TCF12: variants seen among roughly 807,000 people sequenced by gnomAD.
TCF12 encodes transcription factor 12, also known as DNA-binding protein HTF4.
TCF12 carries 45 observed loss-of-function variants against 86.0 expected under a neutral mutation model. The observed-to-expected ratio is 0.52, with a 90% confidence interval of 0.41 to 0.67. The LOEUF is 0.67. Ranked by LOEUF, TCF12 falls within the 30% of genes least tolerant of loss-of-function variation. TCF12 has a pLI of 0.00. For synonymous variants in TCF12, 330 were observed against 299.6 expected, an observed-to-expected ratio of 1.10 and a Z score of -1.05; for missense variants, 881 against 859.9, an observed-to-expected ratio of 1.02 and a Z score of -0.31.
chr15:57,189,975 A>C (rs2056896725), intron 6 of TCF12, among the ~76,000 whole-genome samples: 1 of 152,246 alleles, frequency 6.6e-6, no homozygotes, highest in Middle Eastern at 3.2e-3. Flanking sequence ...GAGAAGTCAG[A>C]CACAAAAGGC....
At chr15:57,087,403 C>T (rs1425747376) in intron 4 of TCF12, among the ~76,000 whole-genome samples, 1 of 107,674 alleles carries the variant, frequency 9.3e-6, no homozygotes, top group African/African-American at 3.9e-5. Context: ...CAGAGCAAGA[C>T]CCTGTCTCAA....
intron 8 of TCF12, among the ~76,000 whole-genome samples, chr15:57,223,514 T>G (rs978924852): frequency 6.6e-6 from 1 of 152,000 alleles, no homozygotes; most frequent in Non-Finnish European, 1.5e-5. Context: ...AAGCAAATTT[T>G]TGTCAACTTT....
At chr15:57,023,456 T>G (rs1172665727) in intron 3 of TCF12, among the ~76,000 whole-genome samples, 2 of 150,402 alleles carry the variant, frequency 1.3e-5, no homozygotes, top group Non-Finnish European at 3.0e-5. Flanking sequence ...AACTTACTGA[T>G]CATTGTATCT....
intron 19 of TCF12, chr15:57,278,670 G>A: frequency 5.1e-6 from 1 of 195,900 alleles, no homozygotes; most frequent in Admixed American, 4.4e-5. Flanking sequence ...AACTACAAAA[G>A]GATCAAACCT....
At chr15:57,229,506 A>T (rs369985252) in intron 8 of TCF12, among the ~76,000 whole-genome samples, 1 of 41,806 alleles carries the variant, frequency 2.4e-5, no homozygotes, top group African/African-American at 6.1e-5. Context: ...CAGTCCATTT[A>T]AAAAAAAAAA....
At chr15:56,921,122 G>T (rs1339163033) in intron 3 of TCF12, 24 bp downstream of exon 3, 1 of 1,570,780 alleles carries the variant, frequency 6.4e-7, no homozygotes, top group Non-Finnish European at 8.6e-7. Flanking sequence ...TTAAACTAAA[G>T]ACTCATATTT....
In TCF12 at chr15:57,273,278, C is replaced by A; in HGVS notation, c.1978+16C>A. ...CAAGTCAGAGGTAAGTAGGTTCAGCCGAGATGTATAACTGTTCTGCTTCAG... is the reference window on the plus strand; with the variant it reads ...CAAGTCAGAGGTAAGTAGGTTCAGCAGAGATGTATAACTGTTCTGCTTCAG... On this transcript the variant is annotated intron_variant, in intron 19 of 20. Coordinates refer to ENST00000333725, the MANE Select transcript of TCF12 (RefSeq NM_207037.2). 6.2e-7 allele frequency: 1 copy of A among 1,611,276 alleles called. No homozygotes were observed. The highest frequency in any genetic ancestry group is 1.1e-5 in the South Asian group (1 of 90,940).
intron 4 of TCF12, among the ~76,000 whole-genome samples, chr15:57,070,357 G>A (rs1024509624): frequency 6.6e-5 from 10 of 152,018 alleles, no homozygotes; most frequent in African/African-American, 2.2e-4. Context: ...AAACAAAAAC[G>A]GACCATAGAC....
intron 4 of TCF12, among the ~76,000 whole-genome samples, chr15:57,064,795 C>CAAAAAAAAAAAAAAAAAAAAAAAA (rs1177544594): frequency 1.2e-4 from 9 of 78,054 alleles, no homozygotes; most frequent in African/African-American, 2.2e-4. Flanking sequence ...GACTCCATCT[C>CAAAAAAAAAAAAAAAAAAAAAAAA]AAAAAAAAAA....
intron 3 of TCF12, among the ~76,000 whole-genome samples, chr15:57,024,629 CT>C (rs2065708790): frequency 6.6e-6 from 1 of 152,166 alleles, no homozygotes; most frequent in African/African-American, 2.4e-5. Context: ...GAATTCATGG[CT>C]TTAGAGCTGC....
At chr15:57,041,911 T>C (rs1311892037) in intron 3 of TCF12, among the ~76,000 whole-genome samples, 6 of 152,182 alleles carry the variant, frequency 3.9e-5, no homozygotes, top group African/African-American at 1.4e-4. Context: ...TCATTTTGGA[T>C]GACAGAAGAA....
At chr15:57,247,979 C>G (rs1250290224) in intron 13 of TCF12, 7 of 727,868 alleles carry the variant, frequency 9.6e-6, no homozygotes, top group Admixed American at 3.7e-5. Context: ...TGGCCCTTCT[C>G]CCCCACCACC....
chr15:56,962,295 A>G (rs550520517), intron 3 of TCF12, among the ~76,000 whole-genome samples: 1 of 152,296 alleles, frequency 6.6e-6, no homozygotes, highest in East Asian at 1.9e-4. Context: ...CTGATGTTTG[A>G]TGGGTTTAAT....
At chr15:57,115,307 T>G (rs1420984287) in intron 5 of TCF12, among the ~76,000 whole-genome samples, 1 of 152,250 alleles carries the variant, frequency 6.6e-6, no homozygotes, top group Non-Finnish European at 1.5e-5. Flanking sequence ...AAAACATAAG[T>G]GTATTTTAGT....
At chr15:57,168,280 C>T (rs2055050006) in intron 6 of TCF12, among the ~76,000 whole-genome samples, 1 of 152,122 alleles carries the variant, frequency 6.6e-6, no homozygotes, top group African/African-American at 2.4e-5. Context: ...ACCAGCATAC[C>T]GCTCATGCCT....
chr15:57,075,325 G>C (rs1261033893), intron 4 of TCF12, among the ~76,000 whole-genome samples: 1 of 151,920 alleles, frequency 6.6e-6, no homozygotes, highest in Non-Finnish European at 1.5e-5. Flanking sequence ...TCCCTACTTC[G>C]AGTTTTGTAG....
At chr15:57,266,616 TGTC>T (rs1299096543) in intron 18 of TCF12, among the ~76,000 whole-genome samples, 5 of 152,258 alleles carry the variant, frequency 3.3e-5, no homozygotes, top group South Asian at 2.1e-4. Flanking sequence ...AGAATGATGT[TGTC>T]GTGGAGTTTT....
intron 6 of TCF12, among the ~76,000 whole-genome samples, chr15:57,167,105 TG>T (rs1304896209): frequency 6.6e-6 from 1 of 152,262 alleles, no homozygotes; most frequent in African/African-American, 2.4e-5. Flanking sequence ...GCCATCTGCA[TG>T]CTCTACATGA....
intron 4 of TCF12, among the ~76,000 whole-genome samples, chr15:57,076,117 A>G (rs2070010624): frequency 6.6e-6 from 1 of 151,486 alleles, no homozygotes; most frequent in South Asian, 2.1e-4. Flanking sequence ...TGGCCTCCCA[A>G]AGTCCTGAGA....
Sources: allele counts gnomAD v4.1 joint callset (sites outside exome capture counted in the v4.1 genomes callset), GRCh38; gene constraint gnomAD v4.1.1; transcripts MANE v1.5; gene names NCBI Gene and HGNC (gene_info 2026-07-23, HGNC 2026-07-21).